PCDH9: variants seen among roughly 807,000 people sequenced by gnomAD.
PCDH9 encodes protocadherin-9.
PCDH9 carries 24 observed loss-of-function variants against 70.6 expected under a neutral mutation model. The ratio of observed to expected loss-of-function variants is 0.34; its 90% CI spans 0.25 to 0.48. PCDH9 has a LOEUF of 0.48. Among genes scored for constraint, PCDH9 ranks in the 20% least tolerant of loss-of-function variants. The pLI is 0.99. For missense variants in PCDH9, 1,281 were observed against 1,503.6 expected (o/e 0.85, Z 2.45); for synonymous variants, 562 against 558.5 (o/e 1.01, Z -0.09).
At chr13:66,591,292 G>C (rs529846667) in intron 4 of PCDH9, among the ~76,000 whole-genome samples, 2 of 151,484 alleles carry the variant, frequency 1.3e-5, no homozygotes, top group African/African-American at 2.4e-5. Context: ...TTATGCAGCT[G>C]TTTTCATGCC....
chr13:66,666,321 G>A (rs552996401), intron 3 of PCDH9, among the ~76,000 whole-genome samples: 58 of 152,292 alleles, frequency 3.8e-4, no homozygotes, highest in Middle Eastern at 3.4e-3. Context: ...CCTGGTGCCC[G>A]GGCCAGATGG....
At chr13:66,375,674 T>C (rs1011427119) in intron 4 of PCDH9, among the ~76,000 whole-genome samples, 8 of 152,112 alleles carry the variant, frequency 5.3e-5, no homozygotes, top group Non-Finnish European at 1.0e-4. Flanking sequence ...AAAGTGCATA[T>C]AACAAATTGA....
chr13:66,608,545 C>A (rs527936503), intron 4 of PCDH9, among the ~76,000 whole-genome samples: 1 of 151,974 alleles, frequency 6.6e-6, no homozygotes, highest in South Asian at 2.1e-4. Context: ...GAGGACAAGT[C>A]GCATCATTCA....
At chr13:66,631,127 C>G in intron 4 of PCDH9, 83 bp downstream of exon 4, 1 of 729,900 alleles carries the variant, frequency 1.4e-6, no homozygotes, top group Non-Finnish European at 2.5e-6. Flanking sequence ...TTCATCCTTG[C>G]CCCCTACAAT....
chr13:67,181,561 T>C (rs2088616312), intron 2 of PCDH9, among the ~76,000 whole-genome samples: 1 of 152,190 alleles, frequency 6.6e-6, no homozygotes. Flanking sequence ...TAATGCTTTG[T>C]AGGTACAGTG....
chr13:66,507,370 C>A (rs1959237744), intron 4 of PCDH9, among the ~76,000 whole-genome samples: 1 of 152,118 alleles, frequency 6.6e-6, no homozygotes, highest in Non-Finnish European at 1.5e-5. Context: ...CACGGGTGGA[C>A]AAATCACAAA....
rs2181754 is a variant in PCDH9, at chr13:66,926,215, G to A, written c.3037-22610C>T. On this transcript the variant is annotated intron_variant, in intron 2 of 4. Coordinates refer to ENST00000377865, the MANE Select transcript of PCDH9 (RefSeq NM_203487.3). ...TTGTTCTTTAGATTCATTAAATGAT[G>A]TTGGAAATACTGTAAAAATAACAGT... Among the ~76,000 whole-genome samples the A allele has an allele frequency of 2.5e-3, 375 of 152,068 alleles. 1 individual carries two copies. The highest frequency in any genetic ancestry group is 8.7e-3 in the African/African-American group (362 of 41,526).
intron 2 of PCDH9, among the ~76,000 whole-genome samples, chr13:67,158,277 A>C (rs923404441): frequency 2.6e-5 from 4 of 152,346 alleles, no homozygotes; most frequent in South Asian, 2.1e-4. Flanking sequence ...ATTTGATTTC[A>C]TATATCCATT....
At chr13:67,202,312 T>C (rs1284607568) in intron 2 of PCDH9, 1 of 152,138 alleles carries the variant, frequency 6.6e-6, no homozygotes, top group Non-Finnish European at 1.5e-5. Context: ...AAGATGATTA[T>C]AGAATTACAT....
At chr13:66,330,134 T>G (rs1387229821) in intron 4 of PCDH9, among the ~76,000 whole-genome samples, 1 of 152,252 alleles carries the variant, frequency 6.6e-6, no homozygotes, top group East Asian at 1.9e-4. Context: ...ACATGCCACT[T>G]GCACATGGCA....
chr13:66,794,725 C>T (rs1202470273), intron 3 of PCDH9, among the ~76,000 whole-genome samples: 4 of 152,050 alleles, frequency 2.6e-5, no homozygotes, highest in Non-Finnish European at 4.4e-5. Flanking sequence ...CCTGTTAACT[C>T]TCTTTTTCAT....
intron 4 of PCDH9, among the ~76,000 whole-genome samples, chr13:66,521,602 A>G (rs921252662): frequency 6.6e-6 from 1 of 152,142 alleles, no homozygotes; most frequent in African/African-American, 2.4e-5. Flanking sequence ...CTGAAGCCTC[A>G]GGACACTGAT....
intron 2 of PCDH9, among the ~76,000 whole-genome samples, chr13:67,156,752 C>G (rs986654348): frequency 6.6e-6 from 1 of 152,192 alleles, no homozygotes; most frequent in African/African-American, 2.4e-5. Context: ...AGATGGCACA[C>G]TAAGAGAGCA....
At chr13:66,401,457 C>T (rs1488437375) in intron 4 of PCDH9, among the ~76,000 whole-genome samples, 1 of 151,944 alleles carries the variant, frequency 6.6e-6, no homozygotes, top group Admixed American at 6.6e-5. Context: ...TGAGGCCTCC[C>T]TAGCCAGGGC....
intron 2 of PCDH9, among the ~76,000 whole-genome samples, chr13:67,091,101 T>C (rs1228305360): frequency 7.2e-5 from 11 of 152,112 alleles, no homozygotes. Flanking sequence ...CTCCCTTCAG[T>C]GCTTCCTAAA....
At chr13:66,507,719 T>A (rs942745246) in intron 4 of PCDH9, among the ~76,000 whole-genome samples, 6 of 151,746 alleles carry the variant, frequency 4.0e-5, no homozygotes, top group African/African-American at 1.5e-4. Context: ...TGTTTGTTTG[T>A]TTGTTTGTTT....
intron 4 of PCDH9, among the ~76,000 whole-genome samples, chr13:66,487,962 C>T (rs943106170): frequency 6.6e-6 from 1 of 152,142 alleles, no homozygotes; most frequent in Non-Finnish European, 1.5e-5. Context: ...TTGCAGAGTT[C>T]TCCATCAGCA....
chr13:67,086,739 C>T (rs1464096999), intron 2 of PCDH9, among the ~76,000 whole-genome samples: 1 of 152,160 alleles, frequency 6.6e-6, no homozygotes, highest in East Asian at 1.9e-4. Flanking sequence ...AAAGATGTCC[C>T]AGAGGAAGTG....
rs971410612 is a variant in PCDH9, at chr13:66,380,483, T to C, written c.3341-75455A>G. On this transcript the variant is annotated intron_variant, in intron 4 of 4. Coordinates refer to ENST00000377865, the MANE Select transcript of PCDH9 (RefSeq NM_203487.3). ...TGGTGAATTGACATTGTAATGAGTA[T>C]AGTAGATTACACATAATGCCGGAAG... Among the ~76,000 whole-genome samples the C allele has an allele frequency of 4.7e-5, 7 of 150,320 alleles. No individual in the cohort carries two copies. In the South Asian group the frequency reaches 1.5e-3, roughly 31 times the overall value.
Sources: gnomAD v4.1 joint callset for allele counts (sites outside exome capture counted in the v4.1 genomes callset) on GRCh38, gnomAD v4.1.1 for gene constraint, MANE v1.5 for transcripts, NCBI Gene and HGNC (gene_info 2026-07-23, HGNC 2026-07-21) for gene names.